The following GRIK4 variants were observed in gnomAD, a reference collection of about 807,000 sequenced individuals.
GRIK4 encodes the protein glutamate ionotropic receptor kainate type subunit 4, also known as glutamate receptor ionotropic, kainate 4.
GRIK4 carries 40 observed loss-of-function variants against 104.9 expected under a neutral mutation model. That is an observed-to-expected ratio of 0.38 (90% confidence interval 0.30 to 0.50). The LOEUF (loss-of-function observed/expected upper bound fraction) is 0.50, where lower values mean the gene tolerates loss of function less well. Among genes scored for constraint, GRIK4 ranks in the 20% least tolerant of loss-of-function variants. The pLI is 0.93. For synonymous variants in GRIK4, 485 were observed against 524.9 expected (o/e 0.92, Z 1.04); for missense variants, 1,047 against 1,308.1 (o/e 0.80, Z 3.08).
chr11:120,771,818 A>G (rs1425569737), intron 3 of GRIK4, among the ~76,000 whole-genome samples: 1 of 152,220 alleles, frequency 6.6e-6, no homozygotes, highest in Non-Finnish European at 1.5e-5. Context: ...CTTCACCTAG[A>G]TTTCAAAGGA....
At chr11:120,665,092 TATAAAG>T (rs1949889229) in intron 3 of GRIK4, among the ~76,000 whole-genome samples, 1 of 152,228 alleles carries the variant, frequency 6.6e-6, no homozygotes, top group African/African-American at 2.4e-5. Context: ...ATTGAAATGT[TATAAAG>T]ATAAAGATAA....
intron 1 of GRIK4, among the ~76,000 whole-genome samples, chr11:120,586,887 AGGTCCAGATTCTGGCCTTCAG>A (rs1433657759): frequency 6.6e-6 from 1 of 152,116 alleles, no homozygotes; most frequent in East Asian, 1.9e-4. Context: ...TAGTGAGGGG[AGGTCCAGATTCTGGCCTTCAG>A]GGAACTGGTG....
chr11:120,690,436 C>G (rs1950340075), intron 3 of GRIK4, among the ~76,000 whole-genome samples: 1 of 152,252 alleles, frequency 6.6e-6, no homozygotes, highest in Non-Finnish European at 1.5e-5. Flanking sequence ...ACCTGTGACC[C>G]TGCCTCCTGG....
At chr11:120,775,196 G>A (rs1952017967) in intron 3 of GRIK4, among the ~76,000 whole-genome samples, 1 of 152,078 alleles carries the variant, frequency 6.6e-6, no homozygotes, top group Non-Finnish European at 1.5e-5. Flanking sequence ...TTCTGCCTCT[G>A]GTCTGCTGGC....
At chr11:120,751,068 A>G (rs1325003524) in intron 3 of GRIK4, among the ~76,000 whole-genome samples, 2 of 152,160 alleles carry the variant, frequency 1.3e-5, no homozygotes, top group African/African-American at 4.8e-5. Context: ...CAGGGGACAC[A>G]GGGTGGGAAG....
intron 1 of GRIK4, among the ~76,000 whole-genome samples, chr11:120,558,024 A>T: frequency 6.6e-6 from 1 of 150,404 alleles, no homozygotes. Flanking sequence ...TCTCAAAAAA[A>T]AAAAAAAAAA....
chr11:120,763,077 G>T (rs1465512095), intron 3 of GRIK4, among the ~76,000 whole-genome samples: 1 of 151,994 alleles, frequency 6.6e-6, no homozygotes, highest in Non-Finnish European at 1.5e-5. Context: ...CTTGTCCTGG[G>T]CTTTTTATGG....
At chr11:120,676,555 A>G (rs906364005) in intron 3 of GRIK4, among the ~76,000 whole-genome samples, 1 of 152,210 alleles carries the variant, frequency 6.6e-6, no homozygotes, top group African/African-American at 2.4e-5. Flanking sequence ...AAAGAGGGAA[A>G]AACCTGACGG....
intron 19 of GRIK4, among the ~76,000 whole-genome samples, chr11:120,977,456 A>C (rs755328972): frequency 4.6e-5 from 7 of 152,350 alleles, no homozygotes; most frequent in Non-Finnish European, 8.8e-5. Flanking sequence ...TGACTTCTAG[A>C]GAATGACTGA....
chr11:120,530,930 G>T (rs149382392), intron 1 of GRIK4, among the ~76,000 whole-genome samples: 1 of 152,126 alleles, frequency 6.6e-6, no homozygotes, highest in Non-Finnish European at 1.5e-5. Flanking sequence ...AGAAAATGCC[G>T]GTTCACAAAA....
chr11:120,779,308 A>C (rs1952103540), intron 3 of GRIK4, among the ~76,000 whole-genome samples: 1 of 152,116 alleles, frequency 6.6e-6, no homozygotes. Flanking sequence ...GGCCAAGCAG[A>C]GTGAGCCGGT....
intron 1 of GRIK4, among the ~76,000 whole-genome samples, chr11:120,585,725 GT>G (rs5795236): frequency 3.2e-4 from 46 of 141,962 alleles, no homozygotes; most frequent in African/African-American, 1.0e-3. Context: ...TTTTGTTTTT[GT>G]TTTTTTTTTT....
chr11:120,758,126 A>G (rs1382054442), intron 3 of GRIK4, among the ~76,000 whole-genome samples: 1 of 151,658 alleles, frequency 6.6e-6, no homozygotes, highest in African/African-American at 2.4e-5. Context: ...CCCTCACACC[A>G]CTCTGGAAGC....
chr11:120,808,075 A>G (rs1952752674), intron 4 of GRIK4, among the ~76,000 whole-genome samples: 1 of 152,238 alleles, frequency 6.6e-6, no homozygotes, highest in Non-Finnish European at 1.5e-5. Flanking sequence ...GCATAATAGC[A>G]TGAGCAAAGG....
intron 12 of GRIK4, among the ~76,000 whole-genome samples, chr11:120,904,937 A>G (rs1463720787): frequency 1.3e-5 from 2 of 152,174 alleles, no homozygotes; most frequent in Non-Finnish European, 2.9e-5. Flanking sequence ...TATATCTCTG[A>G]TAATGCCCAG....
chr11:120,895,175 C>T (rs865839997), intron 11 of GRIK4, among the ~76,000 whole-genome samples: 37 of 151,992 alleles, frequency 2.4e-4, no homozygotes, highest in Non-Finnish European at 3.7e-4. Flanking sequence ...AGTCTGGGGC[C>T]GGGGCTTCTT....
rs764485323 is a variant in GRIK4, at chr11:120,960,969, C to A, written c.1935C>A (p.Thr645=). 2.5e-6 allele frequency: 4 copies of A among 1,613,972 alleles called. No individual in the cohort carries two copies. Among genetic ancestry groups the A allele is most frequent in the African/African-American group, 2.7e-5 (2 of 75,038 alleles). ...CGGCCAACCTGGCAGCCTTCCTGAC[C>A]GTGCAGCGCATGGATGTGCCCATTG... is the stretch of plus-strand genomic sequence containing the variant. ...SYTANLAAFL[T]VQRMDVPIES... Residue 645 remains threonine (T), a synonymous_variant, in exon 17 of 21, where the codon ACC becomes ACA. Transcript: ENST00000527524.
intron 1 of GRIK4, among the ~76,000 whole-genome samples, chr11:120,561,460 A>G (rs2136102402): frequency 6.6e-6 from 1 of 152,312 alleles, no homozygotes; most frequent in South Asian, 2.1e-4. Context: ...CGCTGGTGAC[A>G]GGCAGCACTC....
At chr11:120,595,522 G>T in intron 1 of GRIK4, among the ~76,000 whole-genome samples, 1 of 152,234 alleles carries the variant, frequency 6.6e-6, no homozygotes, top group African/African-American at 2.4e-5. Flanking sequence ...GACTGAGGGC[G>T]TGAATGGAGG....
Sources: allele counts gnomAD v4.1 joint callset (sites outside exome capture counted in the v4.1 genomes callset), GRCh38; gene constraint gnomAD v4.1.1; transcripts MANE v1.5; gene names NCBI Gene and HGNC (gene_info 2026-07-23, HGNC 2026-07-21).